SLIT2: variants seen among roughly 807,000 people sequenced by gnomAD.
SLIT2 encodes the protein slit guidance ligand 2.
A neutral mutation model predicts 185.7 loss-of-function variants in SLIT2; 41 were observed. The observed-to-expected ratio is 0.22, with a 90% CI of 0.17 to 0.29. The LOEUF (loss-of-function observed/expected upper bound fraction) is 0.29, where lower values mean the gene tolerates loss of function less well. SLIT2 is among the 10% of genes least tolerant of loss of function. The probability of loss-of-function intolerance (pLI) is 1.00; values close to 1 mark genes in which losing one functional copy is unlikely to be tolerated. For synonymous variants in SLIT2, 693 were observed against 680.2 expected, an observed-to-expected ratio of 1.02 and a Z score of -0.29; for missense variants, 1,571 against 1,909.0, an observed-to-expected ratio of 0.82 and a Z score of 3.30.
At chr4:20,375,069 C>T (rs201173720) in intron 4 of SLIT2, among the ~76,000 whole-genome samples, 24 of 151,854 alleles carry the variant, frequency 1.6e-4, no homozygotes, top group Admixed American at 6.6e-4. Flanking sequence ...TTTTACATGA[C>T]GTGTGTATGT....
intron 4 of SLIT2, among the ~76,000 whole-genome samples, chr4:20,415,503 CGTT>C (rs767359635): frequency 6.7e-5 from 10 of 149,614 alleles, no homozygotes; most frequent in Non-Finnish European, 1.0e-4. Context: ...TAAAATGTGT[CGTT>C]ATTATAATTA....
At chr4:20,354,259 C>T (rs760058190) in intron 4 of SLIT2, among the ~76,000 whole-genome samples, 2 of 149,924 alleles carry the variant, frequency 1.3e-5, no homozygotes, top group Non-Finnish European at 3.0e-5. Flanking sequence ...AAAAATCAAA[C>T]ATTTATTAAC....
chr4:20,514,557 A>G (rs6811358), intron 11 of SLIT2, among the ~76,000 whole-genome samples: 21,821 of 152,068 alleles, frequency 0.14, 1,628 homozygotes, highest in East Asian at 0.23. Context: ...AGGCACGAGA[A>G]TCTCTTGAAC....
chr4:20,480,812 C>CT (rs1560462732), intron 6 of SLIT2, 25 bp downstream of exon 6: 17 of 1,557,420 alleles, frequency 1.1e-5, no homozygotes, highest in Non-Finnish European at 1.5e-5. Flanking sequence ...TTCTCTTGCT[C>CT]TTTTAACGGG....
chr4:20,516,645 A>G (rs909778461), intron 11 of SLIT2, among the ~76,000 whole-genome samples: 14 of 152,038 alleles, frequency 9.2e-5, no homozygotes, highest in African/African-American at 3.4e-4. Flanking sequence ...CTGGGCTGTC[A>G]TCCAACTTCT....
intron 4 of SLIT2, among the ~76,000 whole-genome samples, chr4:20,310,795 C>G (rs1284873186): frequency 2.0e-5 from 3 of 152,110 alleles, no homozygotes; most frequent in Non-Finnish European, 4.4e-5. Context: ...GGGAATGTGG[C>G]TATTATTATC....
At position 20,524,227 on chromosome 4, in the gene SLIT2, T is replaced by C. The variant is rs541117234; in HGVS notation, c.1438+50T>C. On this transcript the variant is annotated intron_variant, in intron 14 of 36. Transcript: ENST00000504154. ...CCTGTGACCAACAACAATGGTTACA[T>C]GAGACCTAACAAAAGCAGCTGGCCT... 3.3e-5 allele frequency: 51 copies of C among 1,567,792 alleles called. No homozygotes were observed. The African/African-American group carries it at 6.5e-4, about 20-fold the overall frequency.
chr4:20,518,765 C>T (rs1390672603), intron 11 of SLIT2, among the ~76,000 whole-genome samples: 14 of 143,170 alleles, frequency 9.8e-5, no homozygotes, highest in Non-Finnish European at 1.5e-4. Context: ...CCACCACGCC[C>T]GGCTAATTTT....
chr4:20,298,118 C>T (rs1157433415), intron 4 of SLIT2, among the ~76,000 whole-genome samples: 3 of 148,054 alleles, frequency 2.0e-5, no homozygotes, highest in African/African-American at 7.5e-5. Context: ...GACAGAATTT[C>T]CCTCTTGCTG....
At chr4:20,472,484 C>CTATATAGATA (rs1715454744) in intron 5 of SLIT2, among the ~76,000 whole-genome samples, 1 of 14,714 alleles carries the variant, frequency 6.8e-5, no homozygotes, top group African/African-American at 3.8e-4. Context: ...AGATATATAT[C>CTATATAGATA]TATATATAGA....
chr4:20,477,271 G>A (rs67615970), intron 5 of SLIT2, among the ~76,000 whole-genome samples: 22,905 of 150,538 alleles, frequency 0.15, 1,792 homozygotes, highest in Middle Eastern at 0.24. Flanking sequence ...TTGCGATTTT[G>A]GCGCGCTGCA....
At chr4:20,504,418 C>T (rs1166858156) in intron 9 of SLIT2, among the ~76,000 whole-genome samples, 1 of 152,112 alleles carries the variant, frequency 6.6e-6, no homozygotes, top group African/African-American at 2.4e-5. Flanking sequence ...CTGTATGTTA[C>T]AGACACAATC....
chr4:20,375,136 C>T (rs1049910336), intron 4 of SLIT2, among the ~76,000 whole-genome samples: 2 of 151,990 alleles, frequency 1.3e-5, no homozygotes, highest in African/African-American at 2.4e-5. Context: ...AAAATTTTAG[C>T]TTAGTGATCT....
chr4:20,300,604 G>GCACA (rs3046031), intron 4 of SLIT2, among the ~76,000 whole-genome samples: 6 of 151,090 alleles, frequency 4.0e-5, no homozygotes, highest in Non-Finnish European at 7.4e-5. Context: ...GTGCAGACAT[G>GCACA]CACACACACA....
intron 4 of SLIT2, among the ~76,000 whole-genome samples, chr4:20,371,689 G>C (rs925882789): frequency 1.3e-5 from 2 of 152,054 alleles, no homozygotes; most frequent in Non-Finnish European, 2.9e-5. Flanking sequence ...AAAATGCACT[G>C]TGATCATCAC....
chr4:20,376,115 CTTTTTTTT>C (rs71653881), intron 4 of SLIT2, among the ~76,000 whole-genome samples: 6 of 79,654 alleles, frequency 7.5e-5, no homozygotes, highest in South Asian at 4.9e-4. Context: ...CATTGTTTAA[CTTTTTTTT>C]TTTTTTTTTT....
chr4:20,291,459 TA>T (rs1715812091), intron 4 of SLIT2, among the ~76,000 whole-genome samples: 1 of 31,962 alleles, frequency 3.1e-5, no homozygotes, highest in African/African-American at 1.5e-4. Flanking sequence ...TATATATATA[TA>T]TATATATATA....
At chr4:20,294,178 T>A (rs1716242736) in intron 4 of SLIT2, among the ~76,000 whole-genome samples, 1 of 151,952 alleles carries the variant, frequency 6.6e-6, no homozygotes, top group African/African-American at 2.4e-5. Flanking sequence ...CGAAACCCTG[T>A]CTCTACTAAA....
At chr4:20,358,494 A>G (rs1167168106) in intron 4 of SLIT2, among the ~76,000 whole-genome samples, 1 of 152,118 alleles carries the variant, frequency 6.6e-6, no homozygotes, top group African/African-American at 2.4e-5. Flanking sequence ...GTATCACGAT[A>G]AGCTTAAAAT....
Sources: gnomAD v4.1 joint callset for allele counts (sites outside exome capture counted in the v4.1 genomes callset) on GRCh38, gnomAD v4.1.1 for gene constraint, MANE v1.5 for transcripts, NCBI Gene and HGNC (gene_info 2026-07-23, HGNC 2026-07-21) for gene names.